The following SPEG variants were observed in gnomAD, a reference collection of about 807,000 sequenced individuals.
The protein encoded by SPEG is striated muscle preferentially expressed protein kinase.
In SPEG, 114 loss-of-function variants were observed where a neutral mutation model predicts 300.4. That is an observed-to-expected ratio of 0.38 (90% CI 0.33 to 0.44). The LOEUF (loss-of-function observed/expected upper bound fraction) is 0.44. Ranked by LOEUF, SPEG falls within the 20% of genes least tolerant of loss-of-function variation. The pLI is 1.00. For missense variants in SPEG, 4,201 were observed against 4,586.2 expected, an observed-to-expected ratio of 0.92 and a Z score of 2.43; for synonymous variants, 1,964 against 2,018.9, an observed-to-expected ratio of 0.97 and a Z score of 0.73.
rs201143360 is a variant in SPEG, at chr2:219,488,576, G to T, written c.7937G>T (p.Arg2646Leu). ...KDGRQLLSIP[R>L]AGKRHAGLYE... Reference sequence around the variant, plus strand: ...GGGCGGCAGCTGCTCAGCATCCCCCGGGCGGGCAAGCGGCACGCCGGTCTC... The same window carrying T: ...GGGCGGCAGCTGCTCAGCATCCCCCTGGCGGGCAAGCGGCACGCCGGTCTC... The change falls in exon 33 of 41, where the codon CGG becomes CTG. Residue 2646 changes from arginine (R) to leucine (L), a missense_variant. Arg to Leu is a moderately radical substitution (Grantham distance 102). Coordinates refer to ENST00000312358, the MANE Select transcript of SPEG (RefSeq NM_005876.5). 1.9e-6 allele frequency: 3 copies of T among 1,612,132 alleles called. No homozygotes were observed. The highest frequency in any genetic ancestry group is 2.5e-6 in the Non-Finnish European group (3 of 1,179,332).
At chr2:219,441,831 A>T (rs1039633525) in intron 1 of SPEG, among the ~76,000 whole-genome samples, 4 of 151,488 alleles carry the variant, frequency 2.6e-5, no homozygotes, top group African/African-American at 9.7e-5. Flanking sequence ...GGTGGGGTGC[A>T]GGCTGGCGAG....
intron 13 of SPEG, among the ~76,000 whole-genome samples, chr2:219,471,438 C>T (rs1399330765): frequency 6.6e-6 from 1 of 151,994 alleles, no homozygotes; most frequent in Non-Finnish European, 1.5e-5. Flanking sequence ...ATGGCAGTGG[C>T]CTTGGGGATG....
intron 9 of SPEG, chr2:219,466,259 C>T (rs1691345597): frequency 1.4e-6 from 2 of 1,429,914 alleles, no homozygotes; most frequent in Non-Finnish European, 1.8e-6. Context: ...TGGACCCTCC[C>T]TCCCCAAGTG....
chr2:219,436,957 C>T (rs1954735316), intron 1 of SPEG, among the ~76,000 whole-genome samples: 2 of 151,990 alleles, frequency 1.3e-5, no homozygotes, highest in South Asian at 2.1e-4. Flanking sequence ...GGGAAGGGAA[C>T]GAAAGAGCTG....
Position 219,444,886 on chromosome 2 carries a change from C to T in SPEG, c.540C>T (p.Thr180=), listed in dbSNP as rs1037468488. Residue 180 remains threonine (T), a synonymous_variant, in exon 3 of 41, where the codon ACC becomes ACT. Coordinates refer to ENST00000312358, the MANE Select transcript of SPEG (RefSeq NM_005876.5). The surrounding 1 kb of genome is among the most constrained non-coding windows in gnomAD (Gnocchi z 7.8). ...LDTPPTSVTG[T]SEEQVSWWGS... is the part of the protein sequence containing the mutation. ...CACCCCCGACCTCCGTGACAGGCAC[C>T]TCAGAGGAGCAAGTGAGCTGGTGGG... 6.4e-7 allele frequency: 1 copy of T among 1,573,168 alleles called. No individual in the cohort carries two copies. Among genetic ancestry groups the T allele is most frequent in the African/African-American group, 1.3e-5 (1 of 74,150 alleles).
Position 219,464,030 on chromosome 2 carries a change from G to A in SPEG, c.2706-403G>A, listed in dbSNP as rs1339293381. Among the ~76,000 whole-genome samples the A allele has an allele frequency of 6.6e-6, 1 of 152,024 alleles. No individual in the cohort carries two copies. The highest frequency in any genetic ancestry group is 1.5e-5 in the Non-Finnish European group (1 of 68,004). ...CCAGCTACTCAGGAGGCTGAGATGG[G>A]GAGATCGCTTGAGCCTGGGGAGGTA... On this transcript the variant is annotated intron_variant, in intron 8 of 40. Transcript: ENST00000312358. This position sits in a 1 kb window ranked among gnomAD's most constrained non-coding sequence, Gnocchi z 4.5.
chr2:219,456,176 T>C (rs771528123), intron 6 of SPEG, among the ~76,000 whole-genome samples: 13 of 152,196 alleles, frequency 8.5e-5, no homozygotes, highest in Non-Finnish European at 1.3e-4. Flanking sequence ...ACTCATAGAA[T>C]CAACATGACC....
Position 219,445,840 on chromosome 2 carries a change from C to G in SPEG, c.815+679C>G, listed in dbSNP as rs917031828. Among the ~76,000 whole-genome samples, 1 of 151,956 alleles carries G rather than the reference C, an allele frequency of 6.6e-6. No homozygotes were observed. Among genetic ancestry groups the G allele is most frequent in the Non-Finnish European group, 1.5e-5 (1 of 68,000 alleles). On this transcript the variant is annotated intron_variant, in intron 3 of 40. Coordinates refer to ENST00000312358, the MANE Select transcript of SPEG (RefSeq NM_005876.5). This position sits in a 1 kb window ranked among gnomAD's most constrained non-coding sequence, Gnocchi z 6.1. ...TGGCAGGGGGCTTGCAATGATTTCT[C>G]TCATGGGAAACCCCTAAGTCCCTGA...
At chr2:219,454,364 G>A (rs370579224) in intron 6 of SPEG, among the ~76,000 whole-genome samples, 1 of 152,154 alleles carries the variant, frequency 6.6e-6, no homozygotes, top group Non-Finnish European at 1.5e-5. Context: ...CTCCCAAAGC[G>A]GATGTGTGGA....
intron 36 of SPEG, 96 bp downstream of exon 36, chr2:219,490,035 G>T (rs6742231): frequency 4.2e-6 from 6 of 1,415,838 alleles, no homozygotes; most frequent in South Asian, 2.9e-5. Context: ...TCCTGGCTGG[G>T]GTGGGGGGAG....
intron 10 of SPEG, 68 bp downstream of exon 10, chr2:219,467,502 T>C (rs765186680): frequency 7.2e-6 from 11 of 1,518,660 alleles, no homozygotes; most frequent in Non-Finnish European, 9.8e-6. Flanking sequence ...ACTGGGGGTG[T>C]ACAGTAAGAT....
intron 1 of SPEG, among the ~76,000 whole-genome samples, chr2:219,437,976 C>T (rs1954763195): frequency 6.6e-6 from 1 of 152,148 alleles, no homozygotes; most frequent in Admixed American, 6.6e-5. Flanking sequence ...GGATTGCTGG[C>T]TCAATAAGAC....
intron 6 of SPEG, among the ~76,000 whole-genome samples, chr2:219,452,934 G>A (rs1689880932): frequency 6.6e-6 from 1 of 152,184 alleles, no homozygotes; most frequent in African/African-American, 2.4e-5. Context: ...TGCACGGTCT[G>A]GCTTGTGCCA....
intron 1 of SPEG, among the ~76,000 whole-genome samples, chr2:219,435,767 G>A (rs1436500965): frequency 6.6e-6 from 1 of 152,238 alleles, no homozygotes; most frequent in Non-Finnish European, 1.5e-5. Flanking sequence ...GGGAGTCCAT[G>A]TCCGAAGGAG....
chr2:219,460,701 G>C (rs1690597419), intron 6 of SPEG: 1 of 985,456 alleles, frequency 1.0e-6, no homozygotes, highest in Non-Finnish European at 1.2e-6. Context: ...CCACACCAGG[G>C]CCCAGGCTGC....
Position 219,473,655 on chromosome 2 carries a change from C to G in SPEG, c.4271+28C>G. On this transcript the variant is annotated intron_variant, in intron 17 of 40. Coordinates refer to ENST00000312358, the MANE Select transcript of SPEG (RefSeq NM_005876.5). The surrounding 1 kb of genome is among the most constrained non-coding windows in gnomAD (Gnocchi z 4.6). ...GGGCCCCTTTCCCACATGTGGCAGC[C>G]CAGGTCTGGCCCAGCCTGGCCGGAA... 6.2e-7 allele frequency: 1 copy of G among 1,614,058 alleles called. No individual in the cohort carries two copies. Among genetic ancestry groups the G allele is most frequent in the Non-Finnish European group, 8.5e-7 (1 of 1,179,966 alleles).
At chr2:219,482,368 T>C (rs1692930921) in intron 28 of SPEG, 1 of 189,124 alleles carries the variant, frequency 5.3e-6, no homozygotes, top group African/African-American at 2.3e-5. Flanking sequence ...GCATCCGTCT[T>C]GGTCTGGACC....
At chr2:219,441,018 C>T (rs1026348689) in intron 1 of SPEG, among the ~76,000 whole-genome samples, 7 of 152,148 alleles carry the variant, frequency 4.6e-5, no homozygotes, top group Admixed American at 2.6e-4. Flanking sequence ...AGTCACTTGT[C>T]AGTTAAATGG....
chr2:219,474,483 G>A (rs1692167745), intron 18 of SPEG: 2 of 152,350 alleles, frequency 1.3e-5, no homozygotes, highest in African/African-American at 4.8e-5. Flanking sequence ...AGCCTTGTGA[G>A]TTGGGGTTGG....
Sources: allele counts gnomAD v4.1 joint callset (sites outside exome capture counted in the v4.1 genomes callset), GRCh38; gene constraint gnomAD v4.1.1; non-coding constraint Gnocchi (gnomAD v3.1); transcripts MANE v1.5; gene names NCBI Gene and HGNC (gene_info 2026-07-23, HGNC 2026-07-21).